Variants in CDH2 observed in about 807,000 individuals in gnomAD.
The protein encoded by CDH2 is cadherin 2.
In CDH2, 17 loss-of-function variants were observed where a neutral mutation model predicts 92.0. The ratio of observed to expected loss-of-function variants is 0.18; its 90% CI spans 0.13 to 0.28. CDH2 has a LOEUF of 0.28. CDH2 is among the 10% of genes least tolerant of loss of function. The pLI is 1.00. For missense variants in CDH2, 862 were observed against 1,133.1 expected, an observed-to-expected ratio of 0.76 and a Z score of 3.44; for synonymous variants, 419 against 415.9, an observed-to-expected ratio of 1.01 and a Z score of -0.09.
chr18:28,159,501 T>C (rs2016272631), intron 1 of CDH2, among the ~76,000 whole-genome samples: 1 of 152,176 alleles, frequency 6.6e-6, no homozygotes, highest in African/African-American at 2.4e-5. Context: ...AGGTCCTATT[T>C]ACTGGGCCCT....
intron 5 of CDH2, among the ~76,000 whole-genome samples, chr18:28,006,221 A>G (rs1192608186): frequency 6.6e-6 from 1 of 152,170 alleles, no homozygotes; most frequent in Non-Finnish European, 1.5e-5. Context: ...AGCACAATGG[A>G]TTTTAACTCC....
At chr18:28,125,494 A>C (rs1268799015) in intron 2 of CDH2, among the ~76,000 whole-genome samples, 2 of 152,180 alleles carry the variant, frequency 1.3e-5, no homozygotes, top group African/African-American at 4.8e-5. Context: ...GGGGAGGGAA[A>C]AAATGGCAAA....
At chr18:27,970,113 G>A (rs1487043561) in intron 14 of CDH2, among the ~76,000 whole-genome samples, 1 of 152,242 alleles carries the variant, frequency 6.6e-6, no homozygotes, top group Non-Finnish European at 1.5e-5. Flanking sequence ...TGGAAGAAGG[G>A]AGGATGCAGA....
downstream of CDH2, among the ~76,000 whole-genome samples, chr18:27,947,819 T>C (rs543678154): frequency 1.6e-4 from 24 of 151,934 alleles, no homozygotes; most frequent in South Asian, 4.8e-3. Context: ...ATATGTGATA[T>C]AAGTGTATGT....
At chr18:27,992,378 C>T (rs2012443194) in intron 9 of CDH2, among the ~76,000 whole-genome samples, 1 of 152,170 alleles carries the variant, frequency 6.6e-6, no homozygotes, top group Admixed American at 6.5e-5. Flanking sequence ...AAAACTCTCA[C>T]TCAAAACTCT....
intron 14 of CDH2, among the ~76,000 whole-genome samples, chr18:27,963,852 G>A (rs1235652027): frequency 1.3e-5 from 2 of 152,060 alleles, no homozygotes; most frequent in African/African-American, 4.8e-5. Context: ...AAGCAAAGGT[G>A]CTAACTTCAT....
Position 27,989,430 on chromosome 18 carries a change from C to T in CDH2, c.1598+667G>A, listed in dbSNP as rs2012338549. Among the ~76,000 whole-genome samples, 3 of 152,056 alleles carry T rather than the reference C, an allele frequency of 2.0e-5. No homozygotes were observed. In the South Asian group the frequency reaches 6.2e-4, roughly 31 times the overall value. On this transcript the variant is annotated intron_variant, in intron 10 of 15. Transcript: ENST00000269141. ...TTTCAGTGAATAGAGAAATGGAGAA[C>T]ATTTAACATTTAATAAAAGATAACA...
chr18:28,160,112 T>A (rs1322025941), intron 1 of CDH2, among the ~76,000 whole-genome samples: 1 of 151,290 alleles, frequency 6.6e-6, no homozygotes, highest in Non-Finnish European at 1.5e-5. Context: ...AGGTAGCTTA[T>A]CTCCAGGAAA....
intron 1 of CDH2, among the ~76,000 whole-genome samples, chr18:28,151,483 G>A (rs1306198566): frequency 6.6e-6 from 1 of 152,184 alleles, no homozygotes; most frequent in East Asian, 1.9e-4. Context: ...ACAGAGCCAA[G>A]GTTAAGAAAA....
intron 2 of CDH2, among the ~76,000 whole-genome samples, chr18:28,127,362 C>T (rs1379693142): frequency 1.3e-5 from 2 of 152,122 alleles, no homozygotes; most frequent in East Asian, 3.9e-4. Context: ...AAGCTTCCCC[C>T]TAATAATAGC....
intron 2 of CDH2, among the ~76,000 whole-genome samples, chr18:28,025,341 A>C (rs896954031): frequency 3.3e-5 from 5 of 152,008 alleles, no homozygotes; most frequent in African/African-American, 1.2e-4. Flanking sequence ...AATATGGTGA[A>C]ACCCAGTTTC....
chr18:28,147,772 C>T lies in CDH2; in HGVS notation c.73G>A (p.Ala25Thr). 1 of 1,603,184 alleles carries T rather than the reference C, an allele frequency of 6.2e-7. No individual in the cohort carries two copies. ...TTGCATAATGCGATTTCACCAGAAG[C>T]CTCTACAGACGCCTGCAACACAAGA... ...LAALLQASVEASGEIALCKTG... is the reference protein window; with the variant it reads ...LAALLQASVETSGEIALCKTG... Residue 25 changes from alanine to threonine, a missense_variant, in exon 2 of 16, where the codon GCT becomes ACT. By Grantham distance (58) the Ala-to-Thr change is moderately conservative. Around this residue, in one of 5 missense-constraint regions of CDH2, gnomAD observed 159 missense variants for 177.2 expected, o/e 0.90. Transcript: ENST00000269141.
intron 2 of CDH2, among the ~76,000 whole-genome samples, chr18:28,092,744 T>C (rs1353927974): frequency 6.6e-6 from 1 of 152,186 alleles, no homozygotes; most frequent in Non-Finnish European, 1.5e-5. Context: ...TAATTTTATT[T>C]ACCTTTCTTA....
chr18:28,167,223 A>T (rs143283503), intron 1 of CDH2, among the ~76,000 whole-genome samples: 33 of 152,276 alleles, frequency 2.2e-4, no homozygotes, highest in Admixed American at 3.3e-4. Flanking sequence ...GACAAGAGAG[A>T]CTATAACTTA....
chr18:28,124,843 T>A (rs751415775), intron 2 of CDH2, among the ~76,000 whole-genome samples: 4 of 152,222 alleles, frequency 2.6e-5, no homozygotes, highest in Non-Finnish European at 5.9e-5. Flanking sequence ...CAAGTTGCTA[T>A]GCCTCTCAGT....
At chr18:28,118,255 G>A (rs1019663988) in intron 2 of CDH2, among the ~76,000 whole-genome samples, 8 of 151,984 alleles carry the variant, frequency 5.3e-5, no homozygotes, top group African/African-American at 1.9e-4. Flanking sequence ...GAAGTGAGGG[G>A]ACAGAAATGC....
intron 2 of CDH2, among the ~76,000 whole-genome samples, chr18:28,106,062 T>G (rs2015315295): frequency 6.6e-6 from 1 of 152,216 alleles, no homozygotes; most frequent in Non-Finnish European, 1.5e-5. Context: ...TAATGTGAGA[T>G]TCTTGAAAAT....
At chr18:28,081,817 T>C (rs1257376326) in intron 2 of CDH2, among the ~76,000 whole-genome samples, 1 of 152,308 alleles carries the variant, frequency 6.6e-6, no homozygotes, top group Admixed American at 6.5e-5. Context: ...ATATATAAGT[T>C]AGCATTAAGG....
At chr18:28,007,166 A>AC (rs33973654) in intron 5 of CDH2, among the ~76,000 whole-genome samples, 7 of 80,750 alleles carry the variant, frequency 8.7e-5, no homozygotes, top group African/African-American at 1.2e-4. Flanking sequence ...TAAAAAAAAA[A>AC]TATATATATA....
Sources: gnomAD v4.1 joint callset for allele counts (sites outside exome capture counted in the v4.1 genomes callset) on GRCh38, gnomAD v4.1.1 for gene constraint, gnomAD v4.1.1 regional missense constraint, MANE v1.5 for transcripts, NCBI Gene and HGNC (gene_info 2026-07-23, HGNC 2026-07-21) for gene names.